Variants in LAMA2 observed in about 807,000 individuals in gnomAD.
LAMA2 encodes the protein laminin subunit alpha-2.
Under a neutral mutation model 364.8 loss-of-function variants are expected in LAMA2, and 269 were observed. That is an observed-to-expected ratio of 0.74 (90% CI 0.67 to 0.82). The LOEUF (loss-of-function observed/expected upper bound fraction) is 0.82. Among genes scored for constraint, LAMA2 ranks in the 40% least tolerant of loss-of-function variants. The pLI is 0.00. For synonymous variants in LAMA2, 1,379 were observed against 1,370.6 expected, an observed-to-expected ratio of 1.01 and a Z score of -0.14; for missense variants, 3,807 against 3,873.2, an observed-to-expected ratio of 0.98 and a Z score of 0.45.
At position 129,235,082 on chromosome 6, in the gene LAMA2, T is replaced by C. The variant is rs80020224; in HGVS notation, c.1783-15030T>C. On this transcript the variant is annotated intron_variant, in intron 12 of 64. Transcript: ENST00000421865. ...TATAATTCAAACCTGTACAAGAACT[T>C]AGTTTGCCTATCTGAGCAAATTTTA... 6.8e-3 allele frequency among the ~76,000 whole-genome samples: 1,032 copies of C among 152,268 alleles called. 7 individuals are homozygous for C. The highest frequency in any genetic ancestry group is 9.2e-3 in the Non-Finnish European group (625 of 68,004).
intron 34 of LAMA2, among the ~76,000 whole-genome samples, chr6:129,374,726 T>C (rs962326929): frequency 2.6e-5 from 4 of 151,502 alleles, no homozygotes; most frequent in African/African-American, 9.7e-5. Flanking sequence ...TGCAGGCACC[T>C]GCTACCATGC....
chr6:129,026,856 T>C (rs1411107978), intron 1 of LAMA2, among the ~76,000 whole-genome samples: 3 of 152,134 alleles, frequency 2.0e-5, no homozygotes, highest in Non-Finnish European at 4.4e-5. Context: ...GTGTACCAAG[T>C]TGCATATTTT....
intron 22 of LAMA2, among the ~76,000 whole-genome samples, chr6:129,301,261 G>A (rs374810552): frequency 1.5e-4 from 23 of 152,170 alleles, no homozygotes; most frequent in African/African-American, 5.1e-4. Flanking sequence ...TAGGTTTCAG[G>A]AAGTAGTTGA....
At chr6:129,243,986 A>G (rs1785568256) in intron 12 of LAMA2, among the ~76,000 whole-genome samples, 1 of 152,056 alleles carries the variant, frequency 6.6e-6, no homozygotes, top group Non-Finnish European at 1.5e-5. Context: ...GAGAGAAATG[A>G]ATGCAGGCAG....
intron 22 of LAMA2, among the ~76,000 whole-genome samples, chr6:129,306,866 T>C (rs1489238520): frequency 6.6e-6 from 1 of 152,184 alleles, no homozygotes; most frequent in Non-Finnish European, 1.5e-5. Flanking sequence ...TTCTTGAAAA[T>C]ATAATGTTTA....
intron 3 of LAMA2, among the ~76,000 whole-genome samples, chr6:129,093,282 C>T (rs1020738951): frequency 1.2e-4 from 12 of 103,904 alleles, no homozygotes; most frequent in Non-Finnish European, 1.2e-4. Context: ...AGCCACCGTG[C>T]CCGGCCGAGG....
chr6:129,357,591 A>G (rs1777218700), intron 32 of LAMA2, among the ~76,000 whole-genome samples: 1 of 152,036 alleles, frequency 6.6e-6, no homozygotes, highest in Non-Finnish European at 1.5e-5. Flanking sequence ...TTGCAACCTG[A>G]GATAAGCCTA....
At chr6:129,402,268 A>G (rs1339480822) in intron 38 of LAMA2, 56 bp from the exon 39 acceptor site, 3 of 1,383,818 alleles carry the variant, frequency 2.2e-6, no homozygotes, top group Non-Finnish European at 3.1e-6. Flanking sequence ...AGAAATTAGT[A>G]AAAGAGAGGA....
At chr6:129,013,410 C>T (rs1237901802) in intron 1 of LAMA2, among the ~76,000 whole-genome samples, 2 of 151,460 alleles carry the variant, frequency 1.3e-5, no homozygotes, top group Admixed American at 6.6e-5. Context: ...GCAGTCCGGC[C>T]TGGGCGAAAG....
At chr6:129,371,013 G>A (rs529790276) in intron 34 of LAMA2, among the ~76,000 whole-genome samples, 29 of 152,164 alleles carry the variant, frequency 1.9e-4, no homozygotes, top group Non-Finnish European at 3.2e-4. Context: ...GATACAACAC[G>A]GAGTTTCTTG....
intron 6 of LAMA2, among the ~76,000 whole-genome samples, chr6:129,147,469 G>A (rs1778536934): frequency 6.6e-6 from 1 of 151,916 alleles, no homozygotes; most frequent in South Asian, 2.1e-4. Flanking sequence ...CAATGGAACA[G>A]GAGGATAAAA....
intron 4 of LAMA2, among the ~76,000 whole-genome samples, chr6:129,111,983 C>T (rs1247820200): frequency 1.3e-5 from 2 of 151,866 alleles, no homozygotes; most frequent in East Asian, 3.9e-4. Flanking sequence ...ATGTATATAC[C>T]TGTGTTTCCA....
chr6:129,043,693 A>G (rs1169524809), intron 1 of LAMA2, among the ~76,000 whole-genome samples: 1 of 151,764 alleles, frequency 6.6e-6, no homozygotes, highest in Non-Finnish European at 1.5e-5. Context: ...ATTTTTTTTT[A>G]ATTGCAACCT....
At chr6:129,141,712 T>C (rs527622244) in intron 4 of LAMA2, among the ~76,000 whole-genome samples, 1 of 152,172 alleles carries the variant, frequency 6.6e-6, no homozygotes, top group East Asian at 1.9e-4. Context: ...ACACATGATA[T>C]ATCATCTTAC....
chr6:129,152,943 A>T (rs1250590042), intron 7 of LAMA2, among the ~76,000 whole-genome samples: 1 of 152,114 alleles, frequency 6.6e-6, no homozygotes, highest in African/African-American at 2.4e-5. Flanking sequence ...CCTTTTGTAG[A>T]ATAAATAAAA....
At chr6:129,100,171 A>G (rs114862420) in intron 4 of LAMA2, among the ~76,000 whole-genome samples, 2,376 of 152,310 alleles carry the variant, frequency 0.016, 71 homozygotes, top group African/African-American at 0.054. Context: ...ATGGTTCTCC[A>G]TTCCTTAAAC....
intron 12 of LAMA2, among the ~76,000 whole-genome samples, chr6:129,200,111 CGTATATATATGT>C (rs1441897802): frequency 1.7e-5 from 2 of 115,230 alleles, no homozygotes; most frequent in Non-Finnish European, 3.6e-5. Flanking sequence ...TATGTGTACA[CGTATATATATGT>C]GTATATATAT....
chr6:129,485,925 G>T (rs374129273), intron 55 of LAMA2, among the ~76,000 whole-genome samples: 1 of 152,194 alleles, frequency 6.6e-6, no homozygotes, highest in East Asian at 1.9e-4. Flanking sequence ...AAACCACACT[G>T]GTTGCTATAG....
intron 28 of LAMA2, among the ~76,000 whole-genome samples, chr6:129,323,790 G>A (rs987445601): frequency 2.0e-5 from 3 of 152,062 alleles, no homozygotes; most frequent in African/African-American, 4.8e-5. Flanking sequence ...GCAGTAATAC[G>A]GAAATCAGAA....
Sources: allele counts gnomAD v4.1 joint callset (sites outside exome capture counted in the v4.1 genomes callset), GRCh38; gene constraint gnomAD v4.1.1; transcripts MANE v1.5; gene names NCBI Gene and HGNC (gene_info 2026-07-23, HGNC 2026-07-21).